SCRIB: variants seen among roughly 807,000 people sequenced by gnomAD.
SCRIB encodes the protein protein scribble homolog.
In SCRIB, 72 loss-of-function variants were observed where a neutral mutation model predicts 170.0. The observed-to-expected ratio is 0.42, with a 90% confidence interval of 0.35 to 0.52. SCRIB has a LOEUF of 0.52. Ranked by LOEUF, SCRIB falls within the 20% of genes least tolerant of loss-of-function variation. The pLI, the probability that SCRIB is intolerant of heterozygous loss-of-function variation, is 0.02. For missense variants in SCRIB, 2,475 were observed against 2,338.5 expected (o/e 1.06, Z -1.20); for synonymous variants, 1,298 against 1,044.3 (o/e 1.24, Z -4.68).
At chr8:143,804,025 C>T (rs782477131) in intron 22 of SCRIB, 21 bp downstream of exon 22, 32 of 1,590,938 alleles carry the variant, frequency 2.0e-5, no homozygotes, top group South Asian at 4.5e-5. Flanking sequence ...CTCACAGAAC[C>T]GCCTGGATGG....
In SCRIB at chr8:143,803,860, C is replaced by A. The variant is rs537285069; in HGVS notation, c.3201G>T (p.Arg1067=). Residue 1067 remains arginine (R), a synonymous_variant, in exon 23 of 37, where the codon CGG becomes CGT. Transcript: ENST00000356994. Reference sequence around the variant, plus strand: ...TGACTGCTTCTTGGTGCGTGGCATCCCGCACGTCTTGCCCGTTCACTGCCA... The same window carrying A: ...TGACTGCTTCTTGGTGCGTGGCATCACGCACGTCTTGCCCGTTCACTGCCA... The part of the protein sequence containing the change: ...RILAVNGQDV[R]DATHQEAVSA... 1.2e-6 allele frequency: 2 copies of A among 1,601,878 alleles called. No homozygotes were observed. The highest frequency in any genetic ancestry group is 2.2e-5 in the South Asian group (2 of 89,602).
At chr8:143,800,266 A>G (rs1353007158) in intron 24 of SCRIB, among the ~76,000 whole-genome samples, 1 of 152,110 alleles carries the variant, frequency 6.6e-6, no homozygotes, top group African/African-American at 2.4e-5. Flanking sequence ...AGAAAACTCA[A>G]CACCCGCTTC....
intron 27 of SCRIB, among the ~76,000 whole-genome samples, chr8:143,794,421 A>G (rs1416430394): frequency 1.3e-5 from 2 of 152,118 alleles, no homozygotes; most frequent in Non-Finnish European, 2.9e-5. Context: ...GCCCATGGCC[A>G]GAGGAGGCAG....
intron 1 of SCRIB, chr8:143,814,725 G>A (rs951318478): frequency 4.9e-5 from 8 of 164,698 alleles, no homozygotes; most frequent in Non-Finnish European, 7.8e-5. Flanking sequence ...CTCCTTTCTT[G>A]TAGCAGCCTT....
chr8:143,800,774 G>A (rs1815139717), intron 24 of SCRIB, among the ~76,000 whole-genome samples: 1 of 152,274 alleles, frequency 6.6e-6, no homozygotes, highest in African/African-American at 2.4e-5. Context: ...TACTCGGGAG[G>A]CTGAGGTGGG....
intron 1 of SCRIB, chr8:143,814,887 A>G (rs1815990381): frequency 3.0e-6 from 1 of 328,382 alleles, no homozygotes; most frequent in South Asian, 7.3e-5. Context: ...GAGCGGCCCA[A>G]GAAGCTAGTA....
rs770340186 is a variant in SCRIB at position 143,814,067 on chromosome 8, T to G, written c.211A>C (p.Ile71Leu). 2.3e-5 allele frequency: 36 copies of G among 1,556,476 alleles called. No homozygotes were observed. In the East Asian group the frequency reaches 8.7e-4, roughly 37 times the overall value. Residue 71 changes from isoleucine to leucine, a missense_variant, in exon 2 of 37, where the codon ATC becomes CTC. Ile to Leu is a conservative substitution (Grantham distance 5, BLOSUM62 2). Coordinates refer to ENST00000356994, the MANE Select transcript of SCRIB (RefSeq NM_182706.5). ...GCCACCTCGGGAGGCAACCGCTGGA[T>G]CTCGTTGTCGCTCAGGCCCAGCTTG... ...LRKLGLSDNE[I>L]QRLPPEVANF...
At chr8:143,799,123 A>C (rs1028506924) in intron 24 of SCRIB, among the ~76,000 whole-genome samples, 7 of 152,354 alleles carry the variant, frequency 4.6e-5, no homozygotes, top group Non-Finnish European at 8.8e-5. Context: ...AAAAACTAAC[A>C]AATGGAAGAA....
intron 27 of SCRIB, 84 bp downstream of exon 27, chr8:143,794,954 G>T: frequency 7.3e-7 from 1 of 1,370,934 alleles, no homozygotes; most frequent in Non-Finnish European, 1.0e-6. Flanking sequence ...GTTCCCTCCC[G>T]GATGGCCCTG....
chr8:143,795,786 C>CG (rs1348350725), intron 24 of SCRIB, among the ~76,000 whole-genome samples: 6 of 152,184 alleles, frequency 3.9e-5, no homozygotes, highest in Non-Finnish European at 8.8e-5. Flanking sequence ...CTGCACTAGG[C>CG]AAGACTGTGA....
chr8:143,795,725 C>A (rs1005961860), intron 24 of SCRIB, among the ~76,000 whole-genome samples, 195 bp from the exon 25 acceptor site: 1 of 152,192 alleles, frequency 6.6e-6, no homozygotes, highest in Admixed American at 6.5e-5. Flanking sequence ...CAGCACTGTC[C>A]CCGGCCGGTC....
intron 9 of SCRIB, 145 bp downstream of exon 9, chr8:143,812,121 C>G (rs1031520441): frequency 2.8e-6 from 2 of 722,822 alleles, no homozygotes; most frequent in Admixed American, 1.8e-5. Context: ...GCATGCTCCC[C>G]CTCTGACAAG....
intron 4 of SCRIB, 32 bp from the exon 5 acceptor site, chr8:143,813,558 G>A (rs374929368): frequency 1.6e-4 from 261 of 1,613,048 alleles, no homozygotes; most frequent in Non-Finnish European, 2.0e-4. Context: ...GGGGCAAGAG[G>A]AAGGAAAGCA....
At position 143,803,569 on chromosome 8, in the gene SCRIB, C is replaced by T. The variant is rs901303557; in HGVS notation, c.3417G>A (p.Val1139=). ...PTDEGIFISK[V]SPTGAAGRDG... is the part of the protein sequence containing the mutation. ...CGCGCCCGGCTGCCCCCGTGGGGCT[C>T]ACCTGTGGGGAGACGTGGTATGGGA... The change falls in exon 24 of 37, where the codon GTG becomes GTA. Residue 1139 remains valine (V), a splice_region_variant and synonymous_variant. Transcript: ENST00000356994. The T allele has an allele frequency of 3.7e-6, 6 of 1,601,056 alleles. No homozygotes were observed. In the South Asian group the frequency reaches 6.6e-5, roughly 18 times the overall value.
In SCRIB at chr8:143,815,611, G is replaced by A. The variant is rs566291566; in HGVS notation, c.-239C>T. The A allele has an allele frequency of 1.2e-3, 1,211 of 982,188 alleles. 10 individuals are homozygous for A. In the African/African-American group the frequency reaches 0.019, roughly 16 times the overall value. 60.8% of individuals were successfully genotyped at this position (982,188 alleles called of 1,614,324 possible). ...GGCGGGTCTCAGACTCTTAGGAAGC[G>A]CGGGGAGCGGCGGCGGCGGCGGCTC... On this transcript the variant is annotated 5_prime_UTR_variant, in exon 1 of 37. Transcript: ENST00000356994.
rs1342609201 is a variant in SCRIB at position 143,815,690 on chromosome 8, G to C, written c.-318C>G. The C allele has an allele frequency of 1.7e-5, 17 of 983,398 alleles. No individual in the cohort carries two copies. The highest frequency in any genetic ancestry group is 2.1e-5 in the Non-Finnish European group (17 of 829,182). The allele number at this position is 983,398 out of a possible 1,614,324, so 60.9% of individuals were successfully genotyped here. ...TCCCGCCCGCTCGTCCGCCCGCTGT[G>C]CCGCACCGGAACCGCCGCTGCCCGC... On this transcript the variant is annotated 5_prime_UTR_variant, in exon 1 of 37. Transcript: ENST00000356994.
In SCRIB at chr8:143,803,710, C is replaced by T. The variant is rs782633861; in HGVS notation, c.3351G>A (p.Gly1117=). The change falls in exon 23 of 37, where the codon GGG becomes GGA. Residue 1117 remains glycine (G), a synonymous_variant. Transcript: ENST00000356994. ...PGERLGISIR[G]GARGHAGNPR... ...GGTTGCCAGCGTGGCCCCTGGCACC[C>T]CCGCGGATGCTGATGCCCAGCCTCT... The T allele has an allele frequency of 4.2e-5, 67 of 1,588,476 alleles. No homozygotes were observed. Among genetic ancestry groups the T allele is most frequent in the Admixed American group, 3.7e-4 (21 of 57,522 alleles).
At position 143,809,600 on chromosome 8, in the gene SCRIB, T is replaced by C; in HGVS notation, c.1649A>G (p.Glu550Gly). 2 of 1,611,432 alleles carry C rather than the reference T, an allele frequency of 1.2e-6. No individual in the cohort carries two copies. Among genetic ancestry groups the C allele is most frequent in the Non-Finnish European group, 1.7e-6 (2 of 1,179,884 alleles). The stretch of plus-strand genomic sequence containing the variant: ...TTCCTCCCCGCCAGCAGTCGTGGCT[T>C]CCTGCTGGCTCCCACCCTGTGCCTC... ...SAEAQGGSQQ[E>G]ATTAGGEEDA... The change falls in exon 14 of 37, where the codon GAA becomes GGA. Residue 550 changes from glutamate (E) to glycine (G), a missense_variant. Physicochemically the swap from Glu to Gly is moderately conservative, Grantham distance 98 (BLOSUM62 -2). Transcript: ENST00000356994.
rs781973137 is a variant in SCRIB at position 143,804,050 on chromosome 8, G to A, written c.3116C>T (p.Ser1039Phe). ...FGVQEPGVFI[S>F]KVLPRGLAAR... ...CGCCTGGATGGGCCGCCCTACCTTG[G>A]AGATGAACACACCAGGCTCCTGGAC... Residue 1039 changes from serine (S) to phenylalanine (F), a missense_variant, in exon 22 of 37, where the codon TCC (serine) becomes TTC (phenylalanine). This residue lies in a region of SCRIB where 1,966 missense variants were observed against 1,742.9 expected (regional missense o/e 1.13). Coordinates refer to ENST00000356994, the MANE Select transcript of SCRIB (RefSeq NM_182706.5). 2.2e-5 allele frequency: 35 copies of A among 1,608,036 alleles called. No individual in the cohort carries two copies. Among genetic ancestry groups the A allele is most frequent in the Non-Finnish European group, 2.9e-5 (34 of 1,176,298 alleles).
Sources: allele counts gnomAD v4.1 joint callset (sites outside exome capture counted in the v4.1 genomes callset), GRCh38; gene constraint gnomAD v4.1.1; regional missense constraint gnomAD v4.1.1; transcripts MANE v1.5; gene names NCBI Gene and HGNC (gene_info 2026-07-23, HGNC 2026-07-21).